The following KIF3C variants were observed in gnomAD, a reference collection of about 807,000 sequenced individuals.
KIF3C encodes the protein kinesin-like protein KIF3C.
In KIF3C, 12 loss-of-function variants were observed where a neutral mutation model predicts 67.7. The ratio of observed to expected loss-of-function variants is 0.18; its 90% CI spans 0.11 to 0.29. The LOEUF (loss-of-function observed/expected upper bound fraction) is 0.29. KIF3C is among the 10% of genes least tolerant of loss of function. The pLI, the probability that KIF3C is intolerant of heterozygous loss-of-function variation, is 1.00. For missense variants in KIF3C, 789 were observed against 1,059.6 expected (o/e 0.74, Z 3.55); for synonymous variants, 393 against 426.2 (o/e 0.92, Z 0.96).
At position 25,972,840 on chromosome 2, in the gene KIF3C, C is replaced by A. The variant is rs1016914229; in HGVS notation, c.1545+7533G>T. On this transcript the variant is annotated intron_variant, in intron 1 of 7. Coordinates refer to ENST00000264712, the MANE Select transcript of KIF3C (RefSeq NM_002254.8). Reference sequence around the variant, plus strand: ...CACAGCTTTACCCACTCTACCTCCCCACCTCTTTCTCTTTCCCCTCTTTAT... The same window carrying A: ...CACAGCTTTACCCACTCTACCTCCCAACCTCTTTCTCTTTCCCCTCTTTAT... 4.6e-5 allele frequency among the ~76,000 whole-genome samples: 7 copies of A among 152,138 alleles called. No homozygotes were observed. The East Asian group carries it at 1.3e-3, about 29-fold the overall frequency.
In KIF3C at chr2:25,950,240, G is replaced by A. The variant is rs536522187; in HGVS notation, c.2006+1549C>T. ...TTCTTTTCTTTTTTTTTTTTGAGAC[G>A]GAGTCTTGCTCTTGTTGCCCAGGCT... is the stretch of plus-strand genomic sequence containing the variant. On this transcript the variant is annotated intron_variant, in intron 5 of 7. Transcript: ENST00000264712. Among the ~76,000 whole-genome samples the A allele has an allele frequency of 2.9e-4, 43 of 146,388 alleles. No individual in the cohort carries two copies. The South Asian group carries it at 7.6e-3, about 26-fold the overall frequency.
At chr2:25,971,144 T>G (rs897340394) in intron 1 of KIF3C, among the ~76,000 whole-genome samples, 2 of 151,080 alleles carry the variant, frequency 1.3e-5, no homozygotes, top group Non-Finnish European at 3.0e-5. Flanking sequence ...TGGTGGCGGG[T>G]GCCTGTAGTC....
At chr2:25,929,669 G>A (rs1191613145) in intron 6 of KIF3C, among the ~76,000 whole-genome samples, 192 bp from the exon 7 acceptor site, 1 of 151,384 alleles carries the variant, frequency 6.6e-6, no homozygotes, top group Non-Finnish European at 1.5e-5. Context: ...AGGCTGGAGT[G>A]CAGTGGTGCA....
intron 5 of KIF3C, among the ~76,000 whole-genome samples, chr2:25,947,305 G>T (rs903024995): frequency 1.3e-5 from 2 of 152,104 alleles, no homozygotes; most frequent in African/African-American, 4.8e-5. Flanking sequence ...ACAGGGGCCC[G>T]ACGCAGTGGC....
intron 5 of KIF3C, chr2:25,938,441 G>T (rs1369521648): frequency 8.3e-6 from 3 of 361,270 alleles, no homozygotes; most frequent in African/African-American, 6.4e-5. Flanking sequence ...TCCCCCCAAG[G>T]ACTCTAGTAT....
intron 1 of KIF3C, among the ~76,000 whole-genome samples, chr2:25,975,815 G>A (rs925704783): frequency 9.9e-5 from 15 of 151,958 alleles, no homozygotes; most frequent in South Asian, 6.3e-4. Flanking sequence ...AAAGTAAGCC[G>A]GGCGTGGTGG....
rs1055688853 is a variant in KIF3C at position 25,982,127 on chromosome 2, G to A, written c.-210C>T. On this transcript the variant is annotated 5_prime_UTR_variant, in exon 1 of 8. Transcript: ENST00000264712. Reference sequence around the variant, plus strand: ...ACCGCTCTCCGGTCCTCTCTGCACCGGCTGGGAGGTGAATTAGGCAGAATC... The same window carrying A: ...ACCGCTCTCCGGTCCTCTCTGCACCAGCTGGGAGGTGAATTAGGCAGAATC... 1.9e-5 allele frequency: 9 copies of A among 484,674 alleles called. No homozygotes were observed. Among genetic ancestry groups the A allele is most frequent in the African/African-American group, 1.6e-4 (8 of 50,786 alleles). The allele number at this position is 484,674 out of a possible 1,614,324, so 30.0% of individuals were successfully genotyped here.
Position 25,954,309 on chromosome 2 carries a change from A to G in KIF3C, c.1847T>C (p.Leu616Pro). 6.2e-7 allele frequency: 1 copy of G among 1,614,086 alleles called. No individual in the cohort carries two copies. The highest frequency in any genetic ancestry group is 8.5e-7 in the Non-Finnish European group (1 of 1,179,994). Residue 616 changes from leucine (L) to proline (P), a missense_variant, in exon 4 of 8, where the codon CTG (leucine) becomes CCG (proline). Physicochemically the swap from Leu to Pro is moderately conservative, Grantham distance 98. Transcript: ENST00000264712. The stretch of plus-strand genomic sequence containing the variant: ...GGTCTGCTCGTTCTGCGCCTCCTCC[A>G]GGTCCTGCCGCACGCGGATATACTC... ...HDEYIRVRQD[L>P]EEAQNEQTRE...
chr2:25,938,232 T>C, intron 5 of KIF3C: 1 of 448,068 alleles, frequency 2.2e-6, no homozygotes, highest in Non-Finnish European at 4.4e-6. Flanking sequence ...GCATGGCACA[T>C]ACCTGTAACC....
At chr2:25,956,256 A>G (rs1459019688) in intron 2 of KIF3C, 87 bp downstream of exon 2, 3 of 952,758 alleles carry the variant, frequency 3.1e-6, no homozygotes, top group Non-Finnish European at 5.0e-6. Flanking sequence ...AGAGATCCAG[A>G]GTCCACCATG....
Position 25,955,812 on chromosome 2 carries a change from C to T in KIF3C, c.1648-149G>A, listed in dbSNP as rs905375131. ...CATCCACTGCTCCCACCCAATCCTG[C>T]AGAGCCCCTGGGAACCCTCCTCTCA... On this transcript the variant is annotated intron_variant, in intron 2 of 7. Transcript: ENST00000264712. This position sits in a 1 kb window ranked among gnomAD's most constrained non-coding sequence, Gnocchi z 5.0. 102 of 904,218 alleles carry T rather than the reference C, an allele frequency of 1.1e-4. No homozygotes were observed. Among genetic ancestry groups the T allele is most frequent in the Non-Finnish European group, 2.0e-5 (12 of 605,446 alleles). The allele number at this position is 904,218 out of a possible 1,614,324, so 56.0% of individuals were successfully genotyped here.
chr2:25,954,157 A>G lies in KIF3C; in HGVS notation c.1889+110T>C, dbSNP rs1313965631. 6.2e-6 allele frequency: 5 copies of G among 800,810 alleles called. No individual in the cohort carries two copies. The Admixed American group carries it at 7.4e-5, about 12-fold the overall frequency. 49.6% of individuals were successfully genotyped at this position (800,810 alleles called of 1,614,324 possible). On this transcript the variant is annotated intron_variant, in intron 4 of 7. Transcript: ENST00000264712. ...CAGCCCTCAGACGCATTTTATTCCT[A>G]AAGGACTCATGGGAGAGGAGACAGT...
intron 3 of KIF3C, among the ~76,000 whole-genome samples, chr2:25,954,649 A>G (rs753179205): frequency 6.6e-6 from 1 of 152,188 alleles, no homozygotes; most frequent in Non-Finnish European, 1.5e-5. Context: ...GGAATGTTCA[A>G]ACGGGAGGGG....
chr2:25,951,999 G>C (rs1256906129), intron 4 of KIF3C, 94 bp from the exon 5 acceptor site: 1 of 877,174 alleles, frequency 1.1e-6, no homozygotes. Context: ...AACAAGCCAA[G>C]AGGCAGAGGG....
At position 25,940,547 on chromosome 2, in the gene KIF3C, G is replaced by A. The variant is rs1663254673; in HGVS notation, c.2007-10484C>T. 4.6e-5 allele frequency among the ~76,000 whole-genome samples: 7 copies of A among 151,232 alleles called. No homozygotes were observed. The South Asian group carries it at 1.5e-3, about 32-fold the overall frequency. ...ATCACGCCACTGTACTCCAGCCTGG[G>A]CGACAGAGTGAGACTCCATCTCAAA... On this transcript the variant is annotated intron_variant, in intron 5 of 7. Coordinates refer to ENST00000264712, the MANE Select transcript of KIF3C (RefSeq NM_002254.8).
intron 5 of KIF3C, among the ~76,000 whole-genome samples, chr2:25,931,762 T>C (rs139256993): frequency 3.0e-4 from 45 of 151,688 alleles, no homozygotes; most frequent in Middle Eastern, 3.4e-3. Flanking sequence ...CTCAGCCTCC[T>C]GAGCAGCTGA....
Position 25,981,888 on chromosome 2 carries a change from G to C in KIF3C, c.30C>G (p.Ala10=), listed in dbSNP as rs763625247. 22 of 1,570,668 alleles carry C rather than the reference G, an allele frequency of 1.4e-5. No homozygotes were observed. Among genetic ancestry groups the C allele is most frequent in the Non-Finnish European group, 1.9e-5 (22 of 1,160,242 alleles). The change falls in exon 1 of 8, where the codon GCC becomes GCG. Residue 10 remains alanine (A), a synonymous_variant. Transcript: ENST00000264712. This position sits in a 1 kb window ranked among gnomAD's most constrained non-coding sequence, Gnocchi z 8.2. ...GGCGGCACCGGGCCACCACCTTGAGGGCCTCGCTGGCCTTGGTCTTACTGG... is the reference window on the plus strand; with the variant it reads ...GGCGGCACCGGGCCACCACCTTGAGCGCCTCGCTGGCCTTGGTCTTACTGG... MASKTKASE[A]LKVVARCRPL...
chr2:25,956,439 C>T lies in KIF3C; in HGVS notation c.1551G>A (p.Met517Ile), dbSNP rs1663809437. 2 of 1,613,502 alleles carry T rather than the reference C, an allele frequency of 1.2e-6. No homozygotes were observed. Among genetic ancestry groups the T allele is most frequent in the African/African-American group, 1.3e-5 (1 of 74,924 alleles). ...TELLAAKYKA[M>I]ESKLLIGGRN... Reference sequence around the variant, plus strand: ...TGCCCCCGATGAGGAGCTTGCTCTCCATGGCCTGGGGACACAGAGGGGTTG... The same window carrying T: ...TGCCCCCGATGAGGAGCTTGCTCTCTATGGCCTGGGGACACAGAGGGGTTG... The change falls in exon 2 of 8, where the codon ATG (methionine) becomes ATA (isoleucine). Residue 517 changes from methionine to isoleucine, a missense_variant. By Grantham distance (10) the Met-to-Ile change is conservative (BLOSUM62 1). Coordinates refer to ENST00000264712, the MANE Select transcript of KIF3C (RefSeq NM_002254.8).
At chr2:25,962,375 TTTTG>T (rs1392228748) in intron 1 of KIF3C, among the ~76,000 whole-genome samples, 2 of 152,182 alleles carry the variant, frequency 1.3e-5, no homozygotes, top group South Asian at 2.1e-4. Context: ...CCTGGTTTTT[TTTTG>T]TTTGTTTTTG....
Sources: allele counts gnomAD v4.1 joint callset (sites outside exome capture counted in the v4.1 genomes callset), GRCh38; gene constraint gnomAD v4.1.1; non-coding constraint Gnocchi (gnomAD v3.1); transcripts MANE v1.5; gene names NCBI Gene and HGNC (gene_info 2026-07-23, HGNC 2026-07-21).